CFAP210: variants seen among roughly 807,000 people sequenced by gnomAD.
The protein encoded by CFAP210 is cilia- and flagella- associated protein 210.
chr2:169,649,312 T>C, the CFAP210 span: 842 of 1,612,044 alleles, frequency 5.2e-4, 5 homozygotes, highest in East Asian at 7.0e-3. Flanking sequence ...AGCCTCTATT[T>C]TTCTTTGTCT....
chr2:169,665,160 C>G, the CFAP210 span, among the ~76,000 whole-genome samples: 3 of 152,120 alleles, frequency 2.0e-5, no homozygotes, highest in East Asian at 5.8e-4. Flanking sequence ...CAGGAGCCTT[C>G]TTATCAGCCT....
the CFAP210 span, among the ~76,000 whole-genome samples, chr2:169,669,384 A>G: frequency 1.3e-5 from 2 of 152,312 alleles, no homozygotes; most frequent in African/African-American, 4.8e-5. Context: ...AGTTGAATGG[A>G]AAGCCATTGA....
the CFAP210 span, among the ~76,000 whole-genome samples, chr2:169,680,049 A>T: frequency 1.3e-5 from 2 of 152,226 alleles, no homozygotes; most frequent in South Asian, 2.1e-4. Flanking sequence ...AATATAGTTT[A>T]AAAATTATCT....
At chr2:169,674,526 C>T in the CFAP210 span, 3 of 1,402,828 alleles carry the variant, frequency 2.1e-6, no homozygotes, top group East Asian at 7.6e-5. Context: ...AAGCTACATC[C>T]ATTATGAGAA....
the CFAP210 span, chr2:169,681,184 A>G: frequency 4.2e-5 from 68 of 1,613,744 alleles, no homozygotes; most frequent in Non-Finnish European, 5.2e-5. Flanking sequence ...CTACTTTGCT[A>G]GGTAGAAGAG....
At chr2:169,688,466 G>T in the CFAP210 span, among the ~76,000 whole-genome samples, 1 of 152,050 alleles carries the variant, frequency 6.6e-6, no homozygotes, top group Non-Finnish European at 1.5e-5. Flanking sequence ...GAATTTTTAT[G>T]CTCTGTTTCC....
At chr2:169,670,683 A>G in the CFAP210 span, among the ~76,000 whole-genome samples, 2 of 152,174 alleles carry the variant, frequency 1.3e-5, no homozygotes, top group African/African-American at 2.4e-5. Flanking sequence ...TCCTTGCCAC[A>G]TGGACCTCTC....
At chr2:169,675,617 C>T in the CFAP210 span, among the ~76,000 whole-genome samples, 23 of 152,230 alleles carry the variant, frequency 1.5e-4, no homozygotes, top group African/African-American at 5.3e-4. Context: ...CCCCATGATC[C>T]ACTCACCTCC....
At chr2:169,675,726 C>T in the CFAP210 span, among the ~76,000 whole-genome samples, 1 of 152,202 alleles carries the variant, frequency 6.6e-6, no homozygotes, top group Non-Finnish European at 1.5e-5. Flanking sequence ...CATCTGCAAT[C>T]TCCTCTCATT....
At chr2:169,652,996 T>C in the CFAP210 span, among the ~76,000 whole-genome samples, 1 of 22,904 alleles carries the variant, frequency 4.4e-5, no homozygotes, top group Non-Finnish European at 7.4e-5. Flanking sequence ...CAAGACTCCG[T>C]CTCAAAAAAA....
chr2:169,669,727 A>AG, the CFAP210 span, among the ~76,000 whole-genome samples: 3 of 151,642 alleles, frequency 2.0e-5, no homozygotes, highest in Non-Finnish European at 4.4e-5. Context: ...GTGAGACAAG[A>AG]TCGCACCACT....
At chr2:169,660,008 A>G in the CFAP210 span, among the ~76,000 whole-genome samples, 1 of 151,660 alleles carries the variant, frequency 6.6e-6, no homozygotes, top group Admixed American at 6.6e-5. Flanking sequence ...CTCATTTTTC[A>G]TCTCTGAGTT....
the CFAP210 span, among the ~76,000 whole-genome samples, chr2:169,678,616 G>C: frequency 2.6e-5 from 4 of 152,068 alleles, no homozygotes; most frequent in African/African-American, 9.7e-5. Context: ...CTTGAAGTCA[G>C]GAGTTAGAGA....
chr2:169,686,680 C>A, the CFAP210 span, among the ~76,000 whole-genome samples: 2 of 152,170 alleles, frequency 1.3e-5, no homozygotes, highest in African/African-American at 4.8e-5. Context: ...AATCCATTCA[C>A]AGCAAGACCC....
At chr2:169,674,074 G>A in the CFAP210 span, among the ~76,000 whole-genome samples, 1 of 152,102 alleles carries the variant, frequency 6.6e-6, no homozygotes, top group Non-Finnish European at 1.5e-5. Context: ...ACTGATGGAA[G>A]GCCAAGTATA....
the CFAP210 span, among the ~76,000 whole-genome samples, chr2:169,663,477 A>G: frequency 0.37 from 56,535 of 151,942 alleles, 10,969 homozygotes; most frequent in Non-Finnish European, 0.44. Flanking sequence ...TTGGGATTAC[A>G]GGCATGAGCC....
the CFAP210 span, among the ~76,000 whole-genome samples, chr2:169,684,202 C>G: frequency 6.6e-6 from 1 of 151,964 alleles, no homozygotes. Flanking sequence ...TAGGCAGACT[C>G]GCAAGCAGGA....
chr2:169,684,650 T>C, the CFAP210 span, among the ~76,000 whole-genome samples: 12 of 81,588 alleles, frequency 1.5e-4, no homozygotes, highest in South Asian at 7.5e-4. Flanking sequence ...TTCCTTTTCG[T>C]TGTTGTTGTT....
the CFAP210 span, among the ~76,000 whole-genome samples, chr2:169,651,458 A>C: frequency 2.0e-5 from 3 of 151,872 alleles, no homozygotes; most frequent in Non-Finnish European, 4.4e-5. Flanking sequence ...GCAGTGGCAC[A>C]ATCTTGGCTC....
Sources: allele counts gnomAD v4.1 joint callset (sites outside exome capture counted in the v4.1 genomes callset), GRCh38; gene constraint gnomAD v4.1.1; transcripts MANE v1.5; gene names NCBI Gene and HGNC (gene_info 2026-07-23, HGNC 2026-07-21).